Variants in PARD3B observed in about 807,000 individuals in gnomAD.
PARD3B encodes partitioning defective 3 homolog B.
In PARD3B, 103 loss-of-function variants were observed where a neutral mutation model predicts 130.2. The observed-to-expected ratio is 0.79, with a 90% CI of 0.67 to 0.93. PARD3B has a LOEUF of 0.93. Among genes scored for constraint, PARD3B ranks in the 40% least tolerant of loss-of-function variants. The pLI is 0.00. For missense variants in PARD3B, 1,609 were observed against 1,499.2 expected (o/e 1.07, Z -1.21); for synonymous variants, 583 against 553.2 (o/e 1.05, Z -0.76).
intron 21 of PARD3B, among the ~76,000 whole-genome samples, chr2:205,538,156 A>G (rs1296536612): frequency 6.6e-6 from 1 of 152,250 alleles, no homozygotes; most frequent in Non-Finnish European, 1.5e-5. Context: ...AAGGAAAAAC[A>G]AAAACACAAA....
Position 205,572,509 on chromosome 2 carries a change from C to A in PARD3B, c.3260+19106C>A, listed in dbSNP as rs534790096. On this transcript the variant is annotated intron_variant, in intron 22 of 22. Coordinates refer to ENST00000406610, the MANE Select transcript of PARD3B (RefSeq NM_001302769.2). The surrounding 1 kb of genome is among the most constrained non-coding windows in gnomAD (Gnocchi z 4.2). Reference sequence around the variant, plus strand: ...CCTGTAATCCCAGCACTTTGGGAGGCCAAGGCAGGCGGATTGCCTGAGCTC... The same window carrying A: ...CCTGTAATCCCAGCACTTTGGGAGGACAAGGCAGGCGGATTGCCTGAGCTC... 2.0e-5 allele frequency among the ~76,000 whole-genome samples: 3 copies of A among 152,272 alleles called. No individual in the cohort carries two copies. The East Asian group carries it at 5.8e-4, about 29-fold the overall frequency.
chr2:205,300,846 A>G lies in PARD3B; in HGVS notation c.2392+110A>G. The G allele has an allele frequency of 8.9e-7, 1 of 1,119,210 alleles. No homozygotes were observed. Among genetic ancestry groups the G allele is most frequent in the East Asian group, 2.6e-5 (1 of 38,774 alleles). The allele number at this position is 1,119,210 out of a possible 1,614,324, so 69.3% of individuals were successfully genotyped here. On this transcript the variant is annotated intron_variant, in intron 17 of 22. Transcript: ENST00000406610. The surrounding 1 kb of genome is among the most constrained non-coding windows in gnomAD (Gnocchi z 4.1). ...AAAAAATGATTTAAGGATCACAATT[A>G]TATTTTTGATATTAAAAGTAATTCA...
chr2:205,203,594 C>A (rs1000255070), intron 15 of PARD3B, among the ~76,000 whole-genome samples: 7 of 152,148 alleles, frequency 4.6e-5, no homozygotes, highest in African/African-American at 1.7e-4. Flanking sequence ...TAAGACTATC[C>A]CTCCCCTATG....
chr2:204,788,682 T>A (rs907012147), intron 2 of PARD3B, among the ~76,000 whole-genome samples: 31 of 152,180 alleles, frequency 2.0e-4, no homozygotes, highest in Non-Finnish European at 4.0e-4. Flanking sequence ...CACAAATCAC[T>A]TAAAGGTACT....
intron 2 of PARD3B, among the ~76,000 whole-genome samples, chr2:204,871,016 C>G (rs2125647342): frequency 6.6e-6 from 1 of 152,128 alleles, no homozygotes; most frequent in East Asian, 1.9e-4. Context: ...AACTGCAACT[C>G]CTTATGTTTT....
rs2035931817 is a variant in PARD3B, at chr2:204,664,165, T to C, written c.121-22016T>C. ...CATATATGTTGGGTAGTAATGCCAG[T>C]GGATAGGTTTTATTCTGAGAACCTT... On this transcript the variant is annotated intron_variant, in intron 1 of 22. Coordinates refer to ENST00000406610, the MANE Select transcript of PARD3B (RefSeq NM_001302769.2). The surrounding 1 kb of genome is among the most constrained non-coding windows in gnomAD (Gnocchi z 5.2). Among the ~76,000 whole-genome samples, 1 of 152,216 alleles carries C rather than the reference T, an allele frequency of 6.6e-6. No individual in the cohort carries two copies. Among genetic ancestry groups the C allele is most frequent in the Non-Finnish European group, 1.5e-5 (1 of 68,024 alleles).
intron 2 of PARD3B, among the ~76,000 whole-genome samples, chr2:204,695,494 C>T (rs2037568952): frequency 6.6e-6 from 1 of 152,002 alleles, no homozygotes; most frequent in Non-Finnish European, 1.5e-5. Flanking sequence ...TGTAGAGTGT[C>T]ATGTGGCAGA....
chr2:205,195,178 G>A (rs11894804), intron 15 of PARD3B, among the ~76,000 whole-genome samples: 25,121 of 151,996 alleles, frequency 0.17, 2,463 homozygotes, highest in African/African-American at 0.27. Context: ...CAAAATATAT[G>A]TAGTTAGCCG....
intron 1 of PARD3B, among the ~76,000 whole-genome samples, chr2:204,594,151 G>A (rs2033190175): frequency 2.6e-5 from 4 of 152,156 alleles, no homozygotes; most frequent in Admixed American, 2.6e-4. Flanking sequence ...TATCTTCATT[G>A]ATACTTGGAG....
chr2:204,620,628 G>A (rs1031760100), intron 1 of PARD3B, among the ~76,000 whole-genome samples: 21 of 152,166 alleles, frequency 1.4e-4, no homozygotes, highest in Admixed American at 3.9e-4. Flanking sequence ...GAAGGTGTTA[G>A]AGTCAAGTCT....
chr2:204,746,972 T>C (rs1180480674), intron 2 of PARD3B, among the ~76,000 whole-genome samples: 1 of 152,208 alleles, frequency 6.6e-6, no homozygotes, highest in African/African-American at 2.4e-5. Context: ...GCAGAAGCTC[T>C]TTAGTTTAAT....
chr2:205,141,303 C>T (rs1278899285), intron 10 of PARD3B, among the ~76,000 whole-genome samples: 1 of 152,116 alleles, frequency 6.6e-6, no homozygotes, highest in African/African-American at 2.4e-5. Flanking sequence ...ATAAAAGCAC[C>T]ACCAACTGTC....
At chr2:205,037,076 T>C (rs183639297) in intron 3 of PARD3B, among the ~76,000 whole-genome samples, 24 of 118,680 alleles carry the variant, frequency 2.0e-4, no homozygotes, top group African/African-American at 7.0e-4. Flanking sequence ...GGACTGTATA[T>C]ATAAAACAAA....
intron 15 of PARD3B, among the ~76,000 whole-genome samples, chr2:205,234,566 A>G (rs960043872): frequency 6.6e-6 from 1 of 152,218 alleles, no homozygotes; most frequent in Non-Finnish European, 1.5e-5. Flanking sequence ...AACAACAGGA[A>G]AAATAGGCAA....
intron 22 of PARD3B, among the ~76,000 whole-genome samples, chr2:205,593,917 C>T (rs2054480141): frequency 6.6e-6 from 1 of 152,180 alleles, no homozygotes; most frequent in South Asian, 2.1e-4. Context: ...CCCAACATTC[C>T]TCCAATGTGC....
At chr2:205,184,631 A>G (rs1029077778) in intron 13 of PARD3B, among the ~76,000 whole-genome samples, 1 of 152,014 alleles carries the variant, frequency 6.6e-6, no homozygotes, top group Admixed American at 6.6e-5. Flanking sequence ...AGTTCCAGCT[A>G]TTCGGGAGGC....
chr2:204,821,342 A>C (rs866230162), intron 2 of PARD3B, among the ~76,000 whole-genome samples: 122 of 152,112 alleles, frequency 8.0e-4, no homozygotes, highest in African/African-American at 2.7e-3. Context: ...AAATGTGGCA[A>C]ACATACACCA....
At chr2:205,586,017 T>C (rs2054184269) in intron 22 of PARD3B, among the ~76,000 whole-genome samples, 1 of 152,200 alleles carries the variant, frequency 6.6e-6, no homozygotes, top group Non-Finnish European at 1.5e-5. Context: ...ACTTGGTTTT[T>C]CCAGGGCAGA....
rs529364000 is a variant in PARD3B, at chr2:204,977,347, T to A, written c.394+12024T>A. On this transcript the variant is annotated intron_variant, in intron 3 of 22. Transcript: ENST00000406610. ...TTTGACAGTCCATTTTTACAGGGAA[T>A]AGGAATTTGTTTTTAATGTTGTTCT... Among the ~76,000 whole-genome samples, 280 of 152,248 alleles carry A rather than the reference T, an allele frequency of 1.8e-3. 2 individuals carry two copies. The highest frequency in any genetic ancestry group is 5.9e-3 in the African/African-American group (247 of 41,526).
Sources: allele counts gnomAD v4.1 joint callset (sites outside exome capture counted in the v4.1 genomes callset), GRCh38; gene constraint gnomAD v4.1.1; non-coding constraint Gnocchi (gnomAD v3.1); transcripts MANE v1.5; gene names NCBI Gene and HGNC (gene_info 2026-07-23, HGNC 2026-07-21).